Variants in CSMD3 observed in about 807,000 individuals in gnomAD.
The protein encoded by CSMD3 is CUB and sushi domain-containing protein 3.
CSMD3 carries 177 observed loss-of-function variants against 435.2 expected under a neutral mutation model. That is an observed-to-expected ratio of 0.41 (90% CI 0.36 to 0.46). The LOEUF (loss-of-function observed/expected upper bound fraction) is 0.46, where lower values mean the gene tolerates loss of function less well. Among genes scored for constraint, CSMD3 ranks in the 20% least tolerant of loss-of-function variants. The probability of loss-of-function intolerance (pLI) is 0.34; values close to 1 mark genes in which losing one functional copy is unlikely to be tolerated. For synonymous variants in CSMD3, 1,656 were observed against 1,520.5 expected, an observed-to-expected ratio of 1.09 and a Z score of -2.07; for missense variants, 4,265 against 4,504.6, an observed-to-expected ratio of 0.95 and a Z score of 1.52.
intron 22 of CSMD3, among the ~76,000 whole-genome samples, chr8:112,591,037 G>C (rs1192641075): frequency 6.6e-6 from 1 of 151,972 alleles, no homozygotes; most frequent in Non-Finnish European, 1.5e-5. Context: ...TTAATAATAT[G>C]AAAACATTAC....
Position 112,306,178 on chromosome 8 carries a change from T to C in CSMD3, c.7900A>G (p.Ile2634Val). The change falls in exon 51 of 71, where the codon ATT (isoleucine) becomes GTT (valine). Residue 2634 changes from isoleucine to valine, a missense_variant. This residue lies in a region of CSMD3 where 3,255 missense variants were observed against 3,380.2 expected (regional missense o/e 0.96). Transcript: ENST00000297405. ...CCTCCATTTGTTGGAGCTTTAGGAATCCCACAGGAAATTGCTAGAAAAACA... is the reference window on the plus strand; with the variant it reads ...CCTCCATTTGTTGGAGCTTTAGGAACCCCACAGGAAATTGCTAGAAAAACA... ...VPACQAISCGIPKAPTNGGIL... is the reference protein window; with the variant it reads ...VPACQAISCGVPKAPTNGGIL... 6.2e-7 allele frequency: 1 copy of C among 1,613,324 alleles called. No individual in the cohort carries two copies. The highest frequency in any genetic ancestry group is 8.5e-7 in the Non-Finnish European group (1 of 1,179,616).
At chr8:112,666,436 A>G in intron 16 of CSMD3, 21 bp from the exon 17 acceptor site, 1 of 1,607,058 alleles carries the variant, frequency 6.2e-7, no homozygotes, top group East Asian at 2.2e-5. Context: ...AAATCAGACA[A>G]GTAAGAATAA....
intron 1 of CSMD3, among the ~76,000 whole-genome samples, chr8:113,337,266 A>G (rs1457557367): frequency 1.3e-5 from 2 of 152,128 alleles, no homozygotes; most frequent in African/African-American, 4.8e-5. Flanking sequence ...GGCTTTATAT[A>G]TAACATAGAG....
At chr8:112,607,168 T>G (rs1395617651) in intron 22 of CSMD3, among the ~76,000 whole-genome samples, 1 of 151,492 alleles carries the variant, frequency 6.6e-6, no homozygotes, top group Non-Finnish European at 1.5e-5. Flanking sequence ...CTCAAATAAA[T>G]AAAATTATAA....
chr8:113,419,124 TG>T lies in CSMD3; in HGVS notation c.178+17552del, dbSNP rs1217215762. Reference sequence around the variant, plus strand: ...TTGTATACACTTGTTTTTTTTGGTTTGTTTTTTTTTTTTTTTGACAGGGTCT... The same window carrying T: ...TTGTATACACTTGTTTTTTTTGGTTTTTTTTTTTTTTTTTTGACAGGGTCT... On this transcript the variant is annotated intron_variant, in intron 1 of 70. Coordinates refer to ENST00000297405, the MANE Select transcript of CSMD3 (RefSeq NM_198123.2). Among the ~76,000 whole-genome samples, 236 of 139,938 alleles carry T rather than the reference TG, an allele frequency of 1.7e-3. 3 individuals carry two copies. In the South Asian group the frequency reaches 0.03, roughly 18 times the overall value. 91.8% of individuals were successfully genotyped at this position (139,938 alleles called of 152,430 possible).
chr8:113,104,049 T>C (rs1403647192), intron 4 of CSMD3, among the ~76,000 whole-genome samples: 1 of 152,118 alleles, frequency 6.6e-6, no homozygotes, highest in Non-Finnish European at 1.5e-5. Context: ...CACAGCTTCA[T>C]AAAACACCCA....
chr8:112,551,377 T>A (rs184111255), intron 26 of CSMD3, among the ~76,000 whole-genome samples: 269 of 152,244 alleles, frequency 1.8e-3, no homozygotes, highest in African/African-American at 6.2e-3. Flanking sequence ...TACATGCTTT[T>A]GCCACGTTTC....
intron 1 of CSMD3, among the ~76,000 whole-genome samples, chr8:113,337,631 T>C (rs926900014): frequency 6.6e-6 from 1 of 152,010 alleles, no homozygotes; most frequent in Non-Finnish European, 1.5e-5. Flanking sequence ...AATAGATAAA[T>C]TAGATTTTAT....
At chr8:113,432,330 G>A (rs1378976893) in intron 1 of CSMD3, among the ~76,000 whole-genome samples, 1 of 152,134 alleles carries the variant, frequency 6.6e-6, no homozygotes, top group Non-Finnish European at 1.5e-5. Context: ...AGACAAGACC[G>A]CATTCAGGGA....
intron 5 of CSMD3, among the ~76,000 whole-genome samples, chr8:113,033,012 G>A (rs2087184826): frequency 6.6e-6 from 1 of 151,544 alleles, no homozygotes; most frequent in African/African-American, 2.4e-5. Context: ...TGGGCCTGCA[G>A]GTATGTGGAA....
intron 12 of CSMD3, among the ~76,000 whole-genome samples, chr8:112,801,390 C>T (rs557544857): frequency 6.6e-6 from 1 of 152,092 alleles, no homozygotes; most frequent in African/African-American, 2.4e-5. Flanking sequence ...AAGTATCTAA[C>T]CAGTGGCCAG....
intron 41 of CSMD3, among the ~76,000 whole-genome samples, chr8:112,344,502 G>A (rs543011816): frequency 6.6e-6 from 1 of 152,096 alleles, no homozygotes; most frequent in African/African-American, 2.4e-5. Context: ...TATACTCTGA[G>A]GTTGTAGATG....
At chr8:112,466,881 A>G (rs746209037) in intron 32 of CSMD3, among the ~76,000 whole-genome samples, 4 of 152,154 alleles carry the variant, frequency 2.6e-5, no homozygotes, top group Non-Finnish European at 5.9e-5. Context: ...ACTATAATAG[A>G]GCTATATTTT....
chr8:113,074,705 T>C (rs2089269703), intron 5 of CSMD3, among the ~76,000 whole-genome samples: 1 of 151,840 alleles, frequency 6.6e-6, no homozygotes, highest in South Asian at 2.1e-4. Flanking sequence ...ACCATGAAGT[T>C]TCCCTATAAC....
At chr8:112,545,670 G>A (rs1460454640) in intron 27 of CSMD3, among the ~76,000 whole-genome samples, 5 of 151,914 alleles carry the variant, frequency 3.3e-5, no homozygotes, top group Non-Finnish European at 1.5e-5. Flanking sequence ...TTGAGAAATA[G>A]ATACAAGTTA....
intron 22 of CSMD3, among the ~76,000 whole-genome samples, chr8:112,595,314 A>G (rs1321740996): frequency 6.6e-6 from 1 of 151,048 alleles, no homozygotes; most frequent in Non-Finnish European, 1.5e-5. Flanking sequence ...AAGTTTAGAG[A>G]AAAAAGAATA....
At chr8:112,402,671 A>G (rs893690392) in intron 35 of CSMD3, among the ~76,000 whole-genome samples, 1 of 152,168 alleles carries the variant, frequency 6.6e-6, no homozygotes, top group African/African-American at 2.4e-5. Context: ...GTAAATAATT[A>G]CTGGGGAAAG....
intron 6 of CSMD3, among the ~76,000 whole-genome samples, chr8:113,012,986 T>A (rs971014323): frequency 3.3e-5 from 5 of 151,962 alleles, no homozygotes; most frequent in Non-Finnish European, 5.9e-5. Flanking sequence ...ACGGATATGG[T>A]GAAGGTACAA....
chr8:112,591,500 G>C (rs548397114), intron 22 of CSMD3, among the ~76,000 whole-genome samples: 1 of 152,134 alleles, frequency 6.6e-6, no homozygotes, highest in African/African-American at 2.4e-5. Context: ...TCAGCAATTT[G>C]ACTGGATATC....
Sources: allele counts gnomAD v4.1 joint callset (sites outside exome capture counted in the v4.1 genomes callset), GRCh38; gene constraint gnomAD v4.1.1; regional missense constraint gnomAD v4.1.1; transcripts MANE v1.5; gene names NCBI Gene and HGNC (gene_info 2026-07-23, HGNC 2026-07-21).